SYNPO2: variants seen among roughly 807,000 people sequenced by gnomAD.
The protein encoded by SYNPO2 is synaptopodin 2, also known as synaptopodin-2.
Under a neutral mutation model 85.0 loss-of-function variants are expected in SYNPO2, and 56 were observed. That is an observed-to-expected ratio of 0.66 (90% confidence interval 0.53 to 0.82). The LOEUF (loss-of-function observed/expected upper bound fraction) is 0.82. SYNPO2 is among the 40% of genes least tolerant of loss of function. The pLI, the probability that SYNPO2 is intolerant of heterozygous loss-of-function variation, is 0.00. For missense variants in SYNPO2, 1,575 were observed against 1,534.2 expected, an observed-to-expected ratio of 1.03 and a Z score of -0.44; for synonymous variants, 602 against 591.1, an observed-to-expected ratio of 1.02 and a Z score of -0.27.
intron 1 of SYNPO2, among the ~76,000 whole-genome samples, chr4:119,008,435 C>CT (rs530354869): frequency 0.13 from 18,697 of 139,656 alleles, 1,594 homozygotes; most frequent in Non-Finnish European, 0.2. Context: ...ATTGCACAGG[C>CT]TTTTTTTTTT....
chr4:118,936,026 T>C (rs564706774), intron 1 of SYNPO2, among the ~76,000 whole-genome samples: 10 of 152,278 alleles, frequency 6.6e-5, no homozygotes, highest in Non-Finnish European at 2.9e-5. Flanking sequence ...GGTGTAACTA[T>C]AACTGAAAAC....
intron 1 of SYNPO2, chr4:118,850,957 A>G (rs1161111200): frequency 2.5e-6 from 1 of 398,532 alleles, no homozygotes; most frequent in East Asian, 3.6e-5. Context: ...AGAGAAGCAG[A>G]GATGAATGGT....
intron 1 of SYNPO2, among the ~76,000 whole-genome samples, chr4:118,924,198 A>T (rs1397605256): frequency 6.6e-6 from 1 of 152,182 alleles, no homozygotes; most frequent in Non-Finnish European, 1.5e-5. Context: ...ATCAAAAAGC[A>T]ATCTCTTATG....
intron 1 of SYNPO2, among the ~76,000 whole-genome samples, chr4:118,980,637 T>A (rs556863626): frequency 2.6e-4 from 39 of 152,346 alleles, no homozygotes; most frequent in African/African-American, 9.1e-4. Flanking sequence ...AGAACTTGAT[T>A]AATAAGTGTC....
In SYNPO2 at chr4:119,031,287, C is replaced by G. The variant is rs960137815; in HGVS notation, c.2512C>G (p.Gln838Glu). Reference protein sequence around the residue: ...FKGPQAAVASQNYTPKPTVST... With the variant: ...FKGPQAAVASENYTPKPTVST... ...AGGACCACAAGCAGCAGTAGCCAGTCAGAATTACACACCCAAACCAACAGT... is the reference window on the plus strand; with the variant it reads ...AGGACCACAAGCAGCAGTAGCCAGTGAGAATTACACACCCAAACCAACAGT... Residue 838 changes from glutamine to glutamate, a missense_variant, in exon 4 of 5, where the codon CAG (glutamine) becomes GAG (glutamate). By Grantham distance (29) the Gln-to-Glu change is conservative. Around this residue, in one of 3 missense-constraint regions of SYNPO2, gnomAD observed 1,508 missense variants for 1,446.8 expected, o/e 1.04. Transcript: ENST00000307142. 6.2e-7 allele frequency: 1 copy of G among 1,614,202 alleles called. No individual in the cohort carries two copies. The highest frequency in any genetic ancestry group is 8.5e-7 in the Non-Finnish European group (1 of 1,180,038).
intron 1 of SYNPO2, among the ~76,000 whole-genome samples, chr4:118,865,331 T>C (rs1342040420): frequency 6.6e-6 from 1 of 152,212 alleles, no homozygotes; most frequent in African/African-American, 2.4e-5. Context: ...AGACATGACA[T>C]AGAGCAGCTG....
At chr4:118,869,447 C>A (rs1489728103) in intron 1 of SYNPO2, among the ~76,000 whole-genome samples, 1 of 152,134 alleles carries the variant, frequency 6.6e-6, no homozygotes, top group African/African-American at 2.4e-5. Flanking sequence ...AAAATTTAAA[C>A]CAGATTTAAT....
rs764592321 is a variant in SYNPO2, at chr4:119,057,445, C to A, written c.3297C>A (p.Pro1099=). The change falls in exon 5 of 5, where the codon CCC becomes CCA. Residue 1099 remains proline (P), a synonymous_variant. Transcript: ENST00000307142. ...SLSLPGRSVP[P]PISTSPWVYQ... is the part of the protein sequence containing the mutation. ...CTCTTCCTGGAAGATCAGTCCCACC[C>A]CCCATTTCTACATCTCCTTGGGTAT... The A allele has an allele frequency of 6.2e-7, 1 of 1,613,202 alleles. No homozygotes were observed. Among genetic ancestry groups the A allele is most frequent in the Non-Finnish European group, 8.5e-7 (1 of 1,179,702 alleles).
chr4:119,015,278 C>A (rs1560981867), intron 1 of SYNPO2, among the ~76,000 whole-genome samples: 1 of 152,114 alleles, frequency 6.6e-6, no homozygotes, highest in Non-Finnish European at 1.5e-5. Flanking sequence ...AAGTCCGCAG[C>A]AAAATAATAG....
At chr4:119,039,779 CT>C (rs1738649321) in intron 4 of SYNPO2, among the ~76,000 whole-genome samples, 1 of 152,086 alleles carries the variant, frequency 6.6e-6, no homozygotes, top group African/African-American at 2.4e-5. Context: ...AATAAGGTTC[CT>C]TCCAATTTTT....
chr4:118,997,103 A>G (rs1412756007), intron 1 of SYNPO2, among the ~76,000 whole-genome samples: 3 of 148,724 alleles, frequency 2.0e-5, no homozygotes, highest in Non-Finnish European at 4.5e-5. Flanking sequence ...AGCAGGGCGT[A>G]GTGGCGGGCG....
At chr4:119,052,021 G>C (rs142469918) in intron 4 of SYNPO2, among the ~76,000 whole-genome samples, 3 of 152,180 alleles carry the variant, frequency 2.0e-5, no homozygotes, top group African/African-American at 7.2e-5. Flanking sequence ...ACCTCAAGCT[G>C]TGTGCAAGAA....
At chr4:118,969,881 C>T (rs2172012) in intron 1 of SYNPO2, among the ~76,000 whole-genome samples, 121,272 of 151,850 alleles carry the variant, frequency 0.8, 48,794 homozygotes, top group South Asian at 0.89. Context: ...AAAAAGTAGA[C>T]TGAAGTGTAA....
intron 1 of SYNPO2, among the ~76,000 whole-genome samples, chr4:118,968,207 C>T (rs577457898): frequency 6.6e-6 from 1 of 152,282 alleles, no homozygotes; most frequent in South Asian, 2.1e-4. Flanking sequence ...TGGCCTGAGG[C>T]TTAGTGTGTG....
chr4:118,921,099 G>A (rs1487013259), intron 1 of SYNPO2, among the ~76,000 whole-genome samples: 3 of 152,076 alleles, frequency 2.0e-5, no homozygotes, highest in Non-Finnish European at 4.4e-5. Flanking sequence ...TAGAGACAGA[G>A]TCTCGCTGTG....
chr4:118,987,903 AG>A, intron 1 of SYNPO2, among the ~76,000 whole-genome samples: 1 of 152,292 alleles, frequency 6.6e-6, no homozygotes, highest in African/African-American at 2.4e-5. Flanking sequence ...CTTACAGAAA[AG>A]GAAAGGGACT....
intron 1 of SYNPO2, among the ~76,000 whole-genome samples, chr4:118,873,359 AT>A (rs1012794044): frequency 2.0e-5 from 3 of 151,672 alleles, no homozygotes; most frequent in African/African-American, 7.3e-5. Context: ...AATATCTGTT[AT>A]TTTTTTGTTT....
At chr4:118,867,807 G>C (rs1239924616) in intron 1 of SYNPO2, among the ~76,000 whole-genome samples, 1 of 151,970 alleles carries the variant, frequency 6.6e-6, no homozygotes, top group Non-Finnish European at 1.5e-5. Flanking sequence ...CTCTGCTTTA[G>C]ATCTAAAGCA....
intron 4 of SYNPO2, chr4:119,032,546 G>A (rs1006512745): frequency 1.0e-6 from 1 of 998,972 alleles, no homozygotes; most frequent in Non-Finnish European, 1.2e-6. Context: ...AGCAGCTCTG[G>A]TCTGTCAATC....
Sources: gnomAD v4.1 joint callset for allele counts (sites outside exome capture counted in the v4.1 genomes callset) on GRCh38, gnomAD v4.1.1 for gene constraint, gnomAD v4.1.1 regional missense constraint, MANE v1.5 for transcripts, NCBI Gene and HGNC (gene_info 2026-07-23, HGNC 2026-07-21) for gene names.